CFAP47: variants seen among roughly 807,000 people sequenced by gnomAD.
CFAP47 encodes cilia- and flagella-associated protein 47.
In CFAP47, 29 loss-of-function variants were observed where a neutral mutation model predicts 148.1. That is an observed-to-expected ratio of 0.20 (90% CI 0.15 to 0.27). CFAP47 has a LOEUF of 0.27. Among genes scored for constraint, CFAP47 ranks in the 10% least tolerant of loss-of-function variants. The pLI is 1.00. For synonymous variants in CFAP47, 664 were observed against 577.3 expected (o/e 1.15, Z -2.15); for missense variants, 1,872 against 1,697.5 (o/e 1.10, Z -1.81).
At chrX:36,140,874 AT>A (rs1422320160) in intron 35 of CFAP47, among the ~76,000 whole-genome samples, 1 of 111,150 alleles carries the variant, frequency 9.0e-6, no homozygotes, top group Non-Finnish European at 1.9e-5. Context: ...TCATGACATG[AT>A]TTTTATTTGA....
At chrX:36,034,738 C>G (rs2146721899) in intron 23 of CFAP47, among the ~76,000 whole-genome samples, 1 of 110,444 alleles carries the variant, frequency 9.1e-6, no homozygotes, top group South Asian at 3.8e-4. Flanking sequence ...CCAAATGTTC[C>G]AGGCTCATCT....
intron 8 of CFAP47, among the ~76,000 whole-genome samples, chrX:35,964,239 A>G (rs1936371792): frequency 9.0e-6 from 1 of 111,646 alleles, no homozygotes; most frequent in Non-Finnish European, 1.9e-5. Flanking sequence ...TAGTTATAGA[A>G]TTTTGCATGT....
At chrX:36,158,686 A>G (rs1016483797) in intron 37 of CFAP47, among the ~76,000 whole-genome samples, 1 of 112,021 alleles carries the variant, frequency 8.9e-6, no homozygotes, top group East Asian at 2.8e-4. Context: ...TAGGGAGGCA[A>G]GTGAGAAATG....
At chrX:36,150,901 T>C (rs1771578252) in intron 37 of CFAP47, among the ~76,000 whole-genome samples, 1 of 112,168 alleles carries the variant, frequency 8.9e-6, no homozygotes, top group African/African-American at 3.2e-5. Context: ...AAATTTCTAA[T>C]ATGTCTATTA....
intron 1 of CFAP47, among the ~76,000 whole-genome samples, chrX:35,924,379 G>GCA (rs1170528830): frequency 1.9e-4 from 20 of 102,712 alleles, no homozygotes; most frequent in African/African-American, 3.9e-5. Flanking sequence ...GTGCATATAT[G>GCA]CACACATATG....
chrX:36,194,669 G>A (rs1939901262), intron 42 of CFAP47, among the ~76,000 whole-genome samples: 2 of 111,454 alleles, frequency 1.8e-5, no homozygotes, highest in African/African-American at 6.5e-5. Context: ...GCTGGCAGGA[G>A]AGAGAGAAAG....
chrX:36,080,258 G>T (rs1937949747), intron 29 of CFAP47, among the ~76,000 whole-genome samples: 1 of 111,382 alleles, frequency 9.0e-6, no homozygotes. Flanking sequence ...TTAGAATGGC[G>T]ATCATTAAAA....
chrX:36,339,105 C>G (rs73629602), intron 57 of CFAP47, among the ~76,000 whole-genome samples: 1,743 of 111,958 alleles, frequency 0.016, 35 homozygotes, highest in African/African-American at 0.053. Flanking sequence ...AATGATTAAA[C>G]AGAAGAATAA....
At chrX:36,235,913 T>C in intron 46 of CFAP47, 21 bp from the exon 47 acceptor site, 1 of 465,466 alleles carries the variant, frequency 2.1e-6, no homozygotes, top group East Asian at 3.8e-5. Context: ...CTGATATTTC[T>C]GTACCTTTTT....
chrX:36,224,998 T>C (rs1261698451), intron 45 of CFAP47, among the ~76,000 whole-genome samples: 1 of 112,258 alleles, frequency 8.9e-6, no homozygotes, highest in African/African-American at 3.2e-5. Context: ...AATGAAATGA[T>C]GTAGTCTTTA....
chrX:36,290,237 A>G (rs1556005371), intron 51 of CFAP47, among the ~76,000 whole-genome samples: 1 of 111,908 alleles, frequency 8.9e-6, no homozygotes, highest in Non-Finnish European at 1.9e-5. Context: ...CTTTTCAGGA[A>G]ATGTTTATTC....
At chrX:36,103,267 A>G (rs1383000401) in intron 32 of CFAP47, among the ~76,000 whole-genome samples, 1 of 108,841 alleles carries the variant, frequency 9.2e-6, no homozygotes, top group Non-Finnish European at 1.9e-5. Flanking sequence ...GAAGTCAGTA[A>G]CAGTTGTGGT....
At chrX:36,288,105 A>T (rs1331870856) in intron 51 of CFAP47, among the ~76,000 whole-genome samples, 1 of 111,727 alleles carries the variant, frequency 9.0e-6, no homozygotes, top group African/African-American at 3.3e-5. Context: ...ATTCAACTCA[A>T]ATTTCCACAT....
rs1941076281 is a variant in CFAP47 at position 36,281,261 on chromosome X, A to G, written c.7588+631A>G. 9.8e-5 allele frequency among the ~76,000 whole-genome samples: 11 copies of G among 112,649 alleles called. No individual in the cohort carries two copies. In the South Asian group the frequency reaches 3.6e-3, roughly 37 times the overall value. ...TGTGGAGACATTTTAAATGTTATACAAAAGAAGAAATCTTTATTGAATGAA... is the reference window on the plus strand; with the variant it reads ...TGTGGAGACATTTTAAATGTTATACGAAAGAAGAAATCTTTATTGAATGAA... On this transcript the variant is annotated intron_variant, in intron 50 of 63. Coordinates refer to ENST00000378653, the MANE Select transcript of CFAP47 (RefSeq NM_001304548.2).
At chrX:36,371,620 T>TG (rs1941938452) in intron 62 of CFAP47, among the ~76,000 whole-genome samples, 1 of 80,644 alleles carries the variant, frequency 1.2e-5, no homozygotes, top group African/African-American at 4.4e-5. Flanking sequence ...TATATATGTG[T>TG]AATATATGTG....
chrX:36,139,044 C>A (rs1939096314), intron 35 of CFAP47, among the ~76,000 whole-genome samples: 1 of 110,975 alleles, frequency 9.0e-6, no homozygotes, highest in Admixed American at 9.6e-5. Flanking sequence ...ATAAATGATT[C>A]CTGACTTTGA....
rs147878142 is a variant in CFAP47, at chrX:35,955,426, C to T, written c.1175-535C>T. Among the ~76,000 whole-genome samples, 763 of 112,071 alleles carry T rather than the reference C, an allele frequency of 6.8e-3. 4 individuals are homozygous for T. The highest frequency in any genetic ancestry group is 0.017 in the African/African-American group (529 of 30,910). ...TCTCCATTTTTCTACTCTTCTCCTC[C>T]AGCCATTTGTTCTTTAAAGGCGTTT... On this transcript the variant is annotated intron_variant, in intron 7 of 63. Transcript: ENST00000378653.
chrX:36,332,887 G>C (rs1941575603), intron 57 of CFAP47, among the ~76,000 whole-genome samples: 1 of 111,943 alleles, frequency 8.9e-6, no homozygotes, highest in Admixed American at 9.5e-5. Context: ...CTAAATTTTG[G>C]GAATGCCAAG....
At chrX:36,343,587 A>T (rs1941670899) in intron 57 of CFAP47, among the ~76,000 whole-genome samples, 1 of 111,961 alleles carries the variant, frequency 8.9e-6, no homozygotes, top group Non-Finnish European at 1.9e-5. Flanking sequence ...CTTGGTATAT[A>T]CCCAAATGAT....
Sources: gnomAD v4.1 joint callset for allele counts (sites outside exome capture counted in the v4.1 genomes callset) on GRCh38, gnomAD v4.1.1 for gene constraint, MANE v1.5 for transcripts, NCBI Gene and HGNC (gene_info 2026-07-23, HGNC 2026-07-21) for gene names.